The following GGT1 variants were observed in gnomAD, a reference collection of about 807,000 sequenced individuals.
The protein encoded by GGT1 is glutathione hydrolase 1 proenzyme.
Under a neutral mutation model 56.0 loss-of-function variants are expected in GGT1, and 21 were observed. That is an observed-to-expected ratio of 0.38 (90% confidence interval 0.27 to 0.54). GGT1 has a LOEUF of 0.54. GGT1 is among the 20% of genes least tolerant of loss of function. GGT1 has a pLI of 0.82. For synonymous variants in GGT1, 238 were observed against 342.6 expected (o/e 0.69, Z 3.37); for missense variants, 466 against 787.0 (o/e 0.59, Z 4.88).
rs372371324 is a variant in GGT1, at chr22:24,620,489, C to T, written c.544C>T (p.Arg182Trp). The change falls in exon 8 of 16, where the codon CGG becomes TGG. Residue 182 changes from arginine to tryptophan, a missense_variant. This residue lies in a region of GGT1 where 456 missense variants were observed against 716.7 expected (regional missense o/e 0.64). Coordinates refer to ENST00000400382, the MANE Select transcript of GGT1 (RefSeq NM_001288833.2). This position sits in a 1 kb window ranked among gnomAD's most constrained non-coding sequence, Gnocchi z 5.6. ...CTTGGCGGCAGCCCTGGAAAACAAG[C>T]GGACCGTCATCGAGCAGCAGCCTGT... ...KGLAAALENK[R>W]TVIEQQPVLC... The T allele has an allele frequency of 1.4e-5, 23 of 1,611,770 alleles. No individual in the cohort carries two copies. The highest frequency in any genetic ancestry group is 6.7e-5 in the Admixed American group (4 of 60,000).
In GGT1 at chr22:24,628,986, C is replaced by G. The variant is rs2047952269; in HGVS notation, c.*147C>G. 2.7e-6 allele frequency: 3 copies of G among 1,117,140 alleles called. No individual in the cohort carries two copies. Among genetic ancestry groups the G allele is most frequent in the Non-Finnish European group, 3.9e-6 (3 of 774,792 alleles). The allele number at this position is 1,117,140 out of a possible 1,614,324, so 69.2% of individuals were successfully genotyped here. On this transcript the variant is annotated 3_prime_UTR_variant, in exon 16 of 16. Transcript: ENST00000400382. The surrounding 1 kb of genome is among the most constrained non-coding windows in gnomAD (Gnocchi z 5.7). ...ACTGTGCCAGGCTCCAGGTGGCCTC[C>G]CTGGCCTGTCTCCCCACTCTCTGGG... is the stretch of plus-strand genomic sequence containing the variant.
intron 5 of GGT1, among the ~76,000 whole-genome samples, chr22:24,611,778 T>TGTGA (rs1246638389): frequency 6.2e-5 from 7 of 112,744 alleles, no homozygotes; most frequent in Non-Finnish European, 1.1e-4. Context: ...CAAATTTGTG[T>TGTGA]GTGTGTGTGT....
chr22:24,611,600 ACTAT>A (rs1215517441), intron 5 of GGT1, among the ~76,000 whole-genome samples: 9 of 145,896 alleles, frequency 6.2e-5, no homozygotes, highest in African/African-American at 1.0e-4. Context: ...CTATCTATCT[ACTAT>A]CTATCTATCT....
At chr22:24,599,832 C>T (rs1468187132), upstream of GGT1, among the ~76,000 whole-genome samples, 1 of 152,178 alleles carries the variant, frequency 6.6e-6, no homozygotes, top group African/African-American at 2.4e-5. Context: ...CCCAAAAGTC[C>T]AGGTGAGAGC....
intron 11 of GGT1, 56 bp downstream of exon 11, chr22:24,623,972 G>T: frequency 6.2e-7 from 1 of 1,607,170 alleles, no homozygotes. Flanking sequence ...GAGGCATCAG[G>T]TGGGCTCCCC....
At chr22:24,585,051 A>T in the GGT1 span, among the ~76,000 whole-genome samples, 1 of 151,804 alleles carries the variant, frequency 6.6e-6, no homozygotes, top group Admixed American at 6.6e-5. Flanking sequence ...CCACACGGGG[A>T]CCCCCAGGGC....
At chr22:24,622,556 T>G (rs2047492376) in intron 9 of GGT1, among the ~76,000 whole-genome samples, 1 of 150,762 alleles carries the variant, frequency 6.6e-6, no homozygotes, top group South Asian at 2.1e-4. Context: ...AGAGCGAGAC[T>G]CCGTCTCAAA....
the GGT1 span, chr22:24,583,832 G>T: frequency 2.1e-6 from 1 of 470,040 alleles, no homozygotes; most frequent in Admixed American, 2.3e-5. Flanking sequence ...AGTGACAATT[G>T]AGAGTTTGTG....
Position 24,620,205 on chromosome 22 carries a change from C to T in GGT1, c.383-123C>T. On this transcript the variant is annotated intron_variant, in intron 7 of 15. Coordinates refer to ENST00000400382, the MANE Select transcript of GGT1 (RefSeq NM_001288833.2). This position sits in a 1 kb window ranked among gnomAD's most constrained non-coding sequence, Gnocchi z 5.6. ...AACTCAAAAAAGAAAAAAAAAAAAT[C>T]TTTCCTCCTAAGCCTCATTGCCCCA... 2 of 1,206,956 alleles carry T rather than the reference C, an allele frequency of 1.7e-6. No individual in the cohort carries two copies. The highest frequency in any genetic ancestry group is 1.5e-5 in the South Asian group (1 of 65,536). 74.8% of individuals were successfully genotyped at this position (1,206,956 alleles called of 1,614,324 possible). A position where few individuals can be genotyped will look rare whatever the true frequency, so the allele number is the denominator to read the frequency against.
the GGT1 span, chr22:24,589,347 A>G: frequency 1.7e-6 from 2 of 1,143,118 alleles, no homozygotes; most frequent in South Asian, 3.6e-5. Flanking sequence ...GTTGTAGGGG[A>G]AAGCAGTGAG....
At chr22:24,623,388 C>G in intron 10 of GGT1, 132 bp downstream of exon 10, 1 of 1,118,380 alleles carries the variant, frequency 8.9e-7, no homozygotes, top group Non-Finnish European at 1.3e-6. Context: ...GAGGTGTGTC[C>G]CTGCGTCACA....
At chr22:24,625,459 A>G (rs557700638) in intron 11 of GGT1, among the ~76,000 whole-genome samples, 1 of 152,090 alleles carries the variant, frequency 6.6e-6, no homozygotes, top group South Asian at 2.1e-4. Flanking sequence ...TTTTTTTTAG[A>G]GACAGGGTCT....
rs536696921 is a variant in GGT1 at position 24,628,595 on chromosome 22, G to T, written c.1564-98G>T. On this transcript the variant is annotated intron_variant, in intron 15 of 15. Transcript: ENST00000400382. The surrounding 1 kb of genome is among the most constrained non-coding windows in gnomAD (Gnocchi z 5.7). ...CCTGCTCTTCCTGATGACCTGGCCC[G>T]AAATGGCACCACCTGGGCTGAGGCC... is the stretch of plus-strand genomic sequence containing the variant. 4 of 1,597,170 alleles carry T rather than the reference G, an allele frequency of 2.5e-6. No individual in the cohort carries two copies. In the African/African-American group the frequency reaches 5.4e-5, roughly 21 times the overall value.
Position 24,620,741 on chromosome 22 carries a change from C to T in GGT1, c.576-172C>T. ...CATGTGTCCTGAGTGGCAAGGGACA[C>T]TAGGAAGCTCCCGGAAGGGACACTA... is the stretch of plus-strand genomic sequence containing the variant. On this transcript the variant is annotated intron_variant, in intron 8 of 15. Transcript: ENST00000400382. The surrounding 1 kb of genome is among the most constrained non-coding windows in gnomAD (Gnocchi z 5.6). The T allele has an allele frequency of 6.9e-7, 1 of 1,459,040 alleles. No homozygotes were observed. The highest frequency in any genetic ancestry group is 9.1e-7 in the Non-Finnish European group (1 of 1,102,746). The allele number at this position is 1,459,040 out of a possible 1,614,324, so 90.4% of individuals were successfully genotyped here.
chr22:24,605,297 G>T (rs1459730451), intron 1 of GGT1, among the ~76,000 whole-genome samples: 3 of 40,962 alleles, frequency 7.3e-5, no homozygotes, highest in African/African-American at 1.3e-4. Context: ...TATATAATAT[G>T]TATTATATAT....
upstream of GGT1, chr22:24,593,059 C>T (rs1430682648): frequency 4.2e-5 from 44 of 1,038,852 alleles, no homozygotes; most frequent in Non-Finnish European, 4.9e-5. Flanking sequence ...GCGATGGTCG[C>T]CGAACCCACA....
chr22:24,592,746 C>T, upstream of GGT1: 1 of 1,283,676 alleles, frequency 7.8e-7, no homozygotes, highest in Non-Finnish European at 9.9e-7. Context: ...GAGACCAGCT[C>T]CGCCTCGCCT....
chr22:24,604,177 G>T (rs1427814166), intron 1 of GGT1, among the ~76,000 whole-genome samples: 3 of 150,658 alleles, frequency 2.0e-5, no homozygotes, highest in African/African-American at 7.4e-5. Flanking sequence ...GCGACTCCAG[G>T]CTGGGGGCTG....
At position 24,620,203 on chromosome 22, in the gene GGT1, AT is replaced by A. The variant is rs1398358051; in HGVS notation, c.383-124del. The A allele has an allele frequency of 8.3e-7, 1 of 1,207,936 alleles. No individual in the cohort carries two copies. The highest frequency in any genetic ancestry group is 1.1e-6 in the Non-Finnish European group (1 of 879,696). 74.8% of individuals were successfully genotyped at this position (1,207,936 alleles called of 1,614,324 possible). On this transcript the variant is annotated intron_variant, in intron 7 of 15. Transcript: ENST00000400382. This position sits in a 1 kb window ranked among gnomAD's most constrained non-coding sequence, Gnocchi z 5.6. ...CCAACTCAAAAAAGAAAAAAAAAAAATCTTTCCTCCTAAGCCTCATTGCCCC... is the reference window on the plus strand; with the variant it reads ...CCAACTCAAAAAAGAAAAAAAAAAAACTTTCCTCCTAAGCCTCATTGCCCC...
Sources: gnomAD v4.1 joint callset for allele counts (sites outside exome capture counted in the v4.1 genomes callset) on GRCh38, gnomAD v4.1.1 for gene constraint, gnomAD v4.1.1 regional missense constraint, Gnocchi (gnomAD v3.1) non-coding constraint, MANE v1.5 for transcripts, NCBI Gene and HGNC (gene_info 2026-07-23, HGNC 2026-07-21) for gene names.